RARB: variants seen among roughly 807,000 people sequenced by gnomAD.
The protein encoded by RARB is retinoic acid receptor beta, also known as HBV-activated protein.
RARB carries 17 observed loss-of-function variants against 51.9 expected under a neutral mutation model. The observed-to-expected ratio is 0.33, with a 90% confidence interval of 0.22 to 0.49. The LOEUF is 0.49. Ranked by LOEUF, RARB falls within the 20% of genes least tolerant of loss-of-function variation. The pLI is 0.99. For missense variants in RARB, 369 were observed against 550.8 expected, an observed-to-expected ratio of 0.67 and a Z score of 3.30; for synonymous variants, 215 against 195.4, an observed-to-expected ratio of 1.10 and a Z score of -0.84.
intron 5 of RARB, among the ~76,000 whole-genome samples, chr3:25,192,883 C>T (rs1440333316): frequency 1.3e-5 from 2 of 152,036 alleles, no homozygotes; most frequent in African/African-American, 4.8e-5. Context: ...TGAGTACCTA[C>T]TGTATGTCAG....
At chr3:25,216,075 A>G (rs538879721) in intron 5 of RARB, among the ~76,000 whole-genome samples, 1 of 152,300 alleles carries the variant, frequency 6.6e-6, no homozygotes, top group East Asian at 1.9e-4. Flanking sequence ...AGGTGCAGGT[A>G]TACATATGTA....
intron 3 of RARB, among the ~76,000 whole-genome samples, chr3:25,081,103 A>G (rs996626758): frequency 3.3e-5 from 5 of 152,188 alleles, no homozygotes; most frequent in African/African-American, 1.2e-4. Context: ...CAGTTTTCCT[A>G]TGAGCACTGT....
intron 2 of RARB, among the ~76,000 whole-genome samples, chr3:24,901,524 T>C (rs1371860800): frequency 6.6e-6 from 1 of 152,218 alleles, no homozygotes; most frequent in Admixed American, 6.5e-5. Context: ...TACAGACAAG[T>C]GCCACTGGGC....
intron 2 of RARB, among the ~76,000 whole-genome samples, chr3:24,975,888 T>C (rs1696500699): frequency 2.0e-5 from 3 of 152,172 alleles, no homozygotes. Flanking sequence ...TCATTTACAT[T>C]AGGTATTTCT....
At chr3:24,902,005 A>T (rs1051571877) in intron 2 of RARB, among the ~76,000 whole-genome samples, 3 of 151,222 alleles carry the variant, frequency 2.0e-5, no homozygotes, top group Non-Finnish European at 4.4e-5. Context: ...AAATATAAAT[A>T]TATATAACAT....
chr3:25,446,784 C>T (rs6785859), intron 1 of RARB, among the ~76,000 whole-genome samples: 107 of 109,628 alleles, frequency 9.8e-4, no homozygotes, highest in African/African-American at 3.7e-3. Context: ...GCCTGGGTGA[C>T]AGAGCCAGAC....
chr3:25,588,248 C>A (rs1039613058), intron 5 of RARB, among the ~76,000 whole-genome samples: 1 of 152,102 alleles, frequency 6.6e-6, no homozygotes, highest in Non-Finnish European at 1.5e-5. Context: ...TGAATAAAAG[C>A]GGACACAAAA....
intron 5 of RARB, among the ~76,000 whole-genome samples, chr3:25,224,939 G>A (rs1051413585): frequency 4.6e-5 from 7 of 151,978 alleles, no homozygotes; most frequent in East Asian, 1.9e-4. Flanking sequence ...GCAGCTTAAC[G>A]TTCACAGGAT....
intron 2 of RARB, among the ~76,000 whole-genome samples, chr3:25,490,427 G>C (rs1489506554): frequency 6.6e-6 from 1 of 152,190 alleles, no homozygotes; most frequent in Non-Finnish European, 1.5e-5. Context: ...CAACCAGCAT[G>C]TTATGGTAGA....
chr3:24,941,664 C>T (rs1695670694), intron 2 of RARB, among the ~76,000 whole-genome samples: 2 of 151,968 alleles, frequency 1.3e-5, no homozygotes, highest in Non-Finnish European at 2.9e-5. Context: ...CCACCGTGCC[C>T]AGATAAAAGG....
chr3:25,590,111 T>C (rs1387310699), intron 5 of RARB, among the ~76,000 whole-genome samples: 3 of 150,700 alleles, frequency 2.0e-5, no homozygotes, highest in East Asian at 1.9e-4. Context: ...TCTCAGGCCA[T>C]GTGCGTTCCC....
intron 2 of RARB, among the ~76,000 whole-genome samples, chr3:24,898,652 A>G (rs1703530078): frequency 6.6e-6 from 1 of 152,152 alleles, no homozygotes; most frequent in African/African-American, 2.4e-5. Context: ...TTTATATATC[A>G]ATTGTAGTAC....
At chr3:25,016,258 A>G (rs1202590334) in intron 2 of RARB, among the ~76,000 whole-genome samples, 3 of 152,126 alleles carry the variant, frequency 2.0e-5, no homozygotes, top group African/African-American at 4.8e-5. Context: ...TACTATACTA[A>G]CTCATGTCCA....
intron 1 of RARB, among the ~76,000 whole-genome samples, chr3:24,848,611 G>C (rs896743116): frequency 1.3e-5 from 2 of 152,184 alleles, no homozygotes; most frequent in Admixed American, 1.3e-4. Context: ...CTGTCCTTCA[G>C]TTTACAGCTG....
chr3:25,024,846 T>C (rs919122752), intron 2 of RARB, among the ~76,000 whole-genome samples: 1 of 147,160 alleles, frequency 6.8e-6, no homozygotes, highest in Non-Finnish European at 1.5e-5. Flanking sequence ...CCAGCTACTA[T>C]GGAGGCTGAG....
chr3:25,245,257 A>G (rs1006138119), intron 5 of RARB, among the ~76,000 whole-genome samples: 1 of 152,110 alleles, frequency 6.6e-6, no homozygotes. Context: ...ATCTTTATCC[A>G]ATTTGCCAAT....
rs192249956 is a variant in RARB, at chr3:25,205,525, G to A, written c.178+30950G>A. Among the ~76,000 whole-genome samples, 21 of 152,148 alleles carry A rather than the reference G, an allele frequency of 1.4e-4. No individual in the cohort carries two copies. In the East Asian group the frequency reaches 3.3e-3, roughly 24 times the overall value. ...TTGTCTTCTGCGTTGCTCACTCTGG[G>A]AGCCATAGACTGGAGCTGTTCGTAT... On this transcript the variant is annotated intron_variant, in intron 5 of 11. Transcript: ENST00000383772.
chr3:25,111,413 T>A (rs1699598163), intron 3 of RARB, among the ~76,000 whole-genome samples: 1 of 152,192 alleles, frequency 6.6e-6, no homozygotes, highest in African/African-American at 2.4e-5. Context: ...CCTTATTTGT[T>A]GTTGTTCCTT....
intron 5 of RARB, among the ~76,000 whole-genome samples, chr3:25,267,943 A>G (rs943741788): frequency 6.6e-6 from 1 of 152,220 alleles, no homozygotes; most frequent in Admixed American, 6.5e-5. Flanking sequence ...TGTTGAAACT[A>G]TATTCTTAAT....
Sources: allele counts gnomAD v4.1 joint callset (sites outside exome capture counted in the v4.1 genomes callset), GRCh38; gene constraint gnomAD v4.1.1; transcripts MANE v1.5; gene names NCBI Gene and HGNC (gene_info 2026-07-23, HGNC 2026-07-21).